Variants in DGKH observed in about 807,000 individuals in gnomAD.
The protein encoded by DGKH is DAG kinase eta.
Under a neutral mutation model 159.3 loss-of-function variants are expected in DGKH, and 90 were observed. That is an observed-to-expected ratio of 0.57 (90% CI 0.48 to 0.67). The LOEUF is 0.67. Among genes scored for constraint, DGKH ranks in the 30% least tolerant of loss-of-function variants. The pLI is 0.00. For missense variants in DGKH, 1,181 were observed against 1,506.1 expected (o/e 0.78, Z 3.57); for synonymous variants, 536 against 553.8 (o/e 0.97, Z 0.45).
In DGKH at chr13:42,168,754, G is replaced by A. The variant is rs1956369787; in HGVS notation, c.1303G>A (p.Asp435Asn). 1.9e-6 allele frequency: 3 copies of A among 1,614,062 alleles called. No homozygotes were observed. The highest frequency in any genetic ancestry group is 1.7e-6 in the Non-Finnish European group (2 of 1,179,988). ...TCTTGGCTGGGGAGGTTCATATGACGATGACACCCAACTTCCTCAGATCCT... is the reference window on the plus strand; with the variant it reads ...TCTTGGCTGGGGAGGTTCATATGACAATGACACCCAACTTCCTCAGATCCT... ...RVLGWGGSYD[D>N]DTQLPQILEK... Residue 435 changes from aspartate to asparagine, a missense_variant, in exon 11 of 30, where the codon GAT (aspartate) becomes AAT (asparagine). Physicochemically the swap from Asp to Asn is conservative, Grantham distance 23 (BLOSUM62 1). Transcript: ENST00000337343.
rs545567371 is a variant in DGKH, at chr13:42,187,052, G to A, written c.1542G>A (p.Thr514=). The part of the protein sequence containing the change: ...EHAVVISSAK[T]LCETVKDFVA... ...GTACAACTTCTTTTCCTCAAAGGAC[G>A]CTATGTGAAACTGTAAAGGACTTCG... is the stretch of plus-strand genomic sequence containing the variant. Residue 514 remains threonine, a synonymous_variant, in exon 14 of 30, where the codon ACG becomes ACA. Coordinates refer to ENST00000337343, the MANE Select transcript of DGKH (RefSeq NM_178009.5). The A allele has an allele frequency of 5.8e-5, 93 of 1,613,370 alleles. No individual in the cohort carries two copies. Among genetic ancestry groups the A allele is most frequent in the Non-Finnish European group, 6.0e-5 (71 of 1,179,582 alleles).
intron 7 of DGKH, among the ~76,000 whole-genome samples, chr13:42,161,994 T>G (rs1057365383): frequency 5.9e-5 from 9 of 152,216 alleles, no homozygotes; most frequent in African/African-American, 2.2e-4. Flanking sequence ...TAAACATTTC[T>G]TAACTAGAAT....
In DGKH at chr13:42,118,723, T is replaced by A. The variant is rs555604557; in HGVS notation, c.193-8740T>A. Among the ~76,000 whole-genome samples, 5 of 152,240 alleles carry A rather than the reference T, an allele frequency of 3.3e-5. No homozygotes were observed. The East Asian group carries it at 9.7e-4, about 29-fold the overall frequency. ...GATATTTAGGGCAGAGGAAGGAGCT[T>A]AGGAGGGGTAGGCCACGCATTTGGA... On this transcript the variant is annotated intron_variant, in intron 1 of 29. Coordinates refer to ENST00000337343, the MANE Select transcript of DGKH (RefSeq NM_178009.5).
chr13:42,083,226 AACAAAAAC>A, intron 1 of DGKH, among the ~76,000 whole-genome samples: 1 of 152,172 alleles, frequency 6.6e-6, no homozygotes, highest in Non-Finnish European at 1.5e-5. Context: ...AAAAAACAAA[AACAAAAAC>A]ACAAAAAAAG....
At chr13:42,244,942 A>AG (rs1958569665), downstream of DGKH, among the ~76,000 whole-genome samples, 1 of 148,752 alleles carries the variant, frequency 6.7e-6, no homozygotes, top group Non-Finnish European at 1.5e-5. Flanking sequence ...AAAGAACAAC[A>AG]TACACAATCT....
Position 42,174,113 on chromosome 13 carries a change from C to T in DGKH, c.1421C>T (p.Pro474Leu). The change falls in exon 12 of 30, where the codon CCA becomes CTA. Residue 474 changes from proline to leucine, a missense_variant. Pro to Leu is a moderately conservative substitution (Grantham distance 98). This residue lies in a region of DGKH where 369 missense variants were observed against 519.4 expected (regional missense o/e 0.71). Transcript: ENST00000337343. ...LKLPPKASLL[P>L]GPPEASEEFY... The stretch of plus-strand genomic sequence containing the variant: ...TTGCCACCAAAAGCTTCCCTACTTC[C>T]AGGACCTCCAGAAGCATCTGAAGAA... The T allele has an allele frequency of 5.6e-6, 9 of 1,613,642 alleles. No homozygotes were observed. Among genetic ancestry groups the T allele is most frequent in the Non-Finnish European group, 7.6e-6 (9 of 1,179,868 alleles).
Position 42,187,055 on chromosome 13 carries a change from A to G in DGKH, c.1545A>G (p.Leu515=), listed in dbSNP as rs766369781. 2.5e-6 allele frequency: 4 copies of G among 1,613,912 alleles called. No homozygotes were observed. The highest frequency in any genetic ancestry group is 4.5e-5 in the East Asian group (2 of 44,864). The change falls in exon 14 of 30, where the codon CTA becomes CTG. Residue 515 remains leucine (L), a synonymous_variant. Coordinates refer to ENST00000337343, the MANE Select transcript of DGKH (RefSeq NM_178009.5). ...CAACTTCTTTTCCTCAAAGGACGCT[A>G]TGTGAAACTGTAAAGGACTTCGTTG... is the stretch of plus-strand genomic sequence containing the variant. ...HAVVISSAKT[L]CETVKDFVAK...
chr13:42,083,574 C>T, intron 1 of DGKH, among the ~76,000 whole-genome samples: 1 of 152,200 alleles, frequency 6.6e-6, no homozygotes, highest in Non-Finnish European at 1.5e-5. Context: ...GAAGTACCTT[C>T]CCTGCCCTGG....
intron 1 of DGKH, among the ~76,000 whole-genome samples, chr13:42,076,368 T>G (rs1457982966): frequency 6.6e-6 from 1 of 152,190 alleles, no homozygotes; most frequent in Non-Finnish European, 1.5e-5. Context: ...TCTAAAGTAG[T>G]GATTCATTTT....
intron 12 of DGKH, among the ~76,000 whole-genome samples, chr13:42,176,024 C>T (rs1956594629): frequency 6.6e-6 from 1 of 152,200 alleles, no homozygotes; most frequent in Admixed American, 6.5e-5. Context: ...CTTATTATTA[C>T]TTACCTTTCT....
At chr13:42,131,709 G>A (rs116350330) in intron 3 of DGKH, among the ~76,000 whole-genome samples, 1 of 152,328 alleles carries the variant, frequency 6.6e-6, no homozygotes, top group African/African-American at 2.4e-5. Context: ...CTTTAAGTGG[G>A]AGTAGAGAAC....
rs1958225252 is a variant in DGKH, at chr13:42,229,120, G to A, written c.3595G>A (p.Gly1199Ser). The A allele has an allele frequency of 6.2e-7, 1 of 1,610,824 alleles. No homozygotes were observed. Among genetic ancestry groups the A allele is most frequent in the East Asian group, 2.2e-5 (1 of 44,658 alleles). ...DLKDLGIPKV[G>S]HVKRILQGIK... ...TTAGGATCTGGGGATACCGAAAGTG[G>A]GTCATGTGAAGCGAATTCTCCAGGG... The change falls in exon 30 of 30, where the codon GGT becomes AGT. Residue 1199 changes from glycine (G) to serine (S), a missense_variant. Physicochemically the swap from Gly to Ser is moderately conservative, Grantham distance 56 (BLOSUM62 0). Transcript: ENST00000337343.
At chr13:42,072,025 A>G (rs572714850) in intron 1 of DGKH, among the ~76,000 whole-genome samples, 33 of 152,322 alleles carry the variant, frequency 2.2e-4, no homozygotes, top group Non-Finnish European at 2.8e-4. Flanking sequence ...TATGTAATAG[A>G]TTCCCAAGAT....
chr13:42,053,167 C>G (rs1178663915), intron 1 of DGKH, among the ~76,000 whole-genome samples: 1 of 151,526 alleles, frequency 6.6e-6, no homozygotes, highest in Non-Finnish European at 1.5e-5. Flanking sequence ...GACTCCATCT[C>G]AAAGAAAAAA....
intron 5 of DGKH, 71 bp downstream of exon 5, chr13:42,155,870 T>C (rs1956030160): frequency 1.9e-6 from 3 of 1,579,030 alleles, no homozygotes; most frequent in South Asian, 1.1e-5. Flanking sequence ...ACTGGTTTTA[T>C]TGTAGCTTAA....
rs1372029490 is a variant in DGKH, at chr13:42,125,527, G to C, written c.193-1936G>C. Among the ~76,000 whole-genome samples the C allele has an allele frequency of 2.0e-5, 3 of 152,152 alleles. No homozygotes were observed. In the East Asian group the frequency reaches 5.8e-4, roughly 29 times the overall value. On this transcript the variant is annotated intron_variant, in intron 1 of 29. Transcript: ENST00000337343. ...AGGTTCATACTGTTATTGTATGCTG[G>C]AGCCTGGCTTGAAATCTGTCTGTCT... is the stretch of plus-strand genomic sequence containing the variant.
At chr13:42,192,120 T>A (rs1957086643) in intron 16 of DGKH, among the ~76,000 whole-genome samples, 1 of 152,118 alleles carries the variant, frequency 6.6e-6, no homozygotes, top group African/African-American at 2.4e-5. Context: ...TTGCTACTAC[T>A]GCTGCTGCTG....
At chr13:42,206,975 T>TTTTCTTTCTTTCCTTC (rs1957491242) in intron 21 of DGKH, among the ~76,000 whole-genome samples, 4 of 82,350 alleles carry the variant, frequency 4.9e-5, no homozygotes, top group African/African-American at 2.0e-4. Flanking sequence ...TACTTTTACT[T>TTTTCTTTCTTTCCTTC]TTTCTTTCTT....
chr13:42,097,482 T>C (rs1050468816), intron 1 of DGKH, among the ~76,000 whole-genome samples: 3 of 152,188 alleles, frequency 2.0e-5, no homozygotes, highest in Admixed American at 6.5e-5. Flanking sequence ...TTATCAGCAT[T>C]TTTTAACTCT....
Sources: gnomAD v4.1 joint callset for allele counts (sites outside exome capture counted in the v4.1 genomes callset) on GRCh38, gnomAD v4.1.1 for gene constraint, gnomAD v4.1.1 regional missense constraint, MANE v1.5 for transcripts, NCBI Gene and HGNC (gene_info 2026-07-23, HGNC 2026-07-21) for gene names.